PRR7: variants seen among roughly 807,000 people sequenced by gnomAD.
PRR7 encodes the protein proline-rich protein 7.
PRR7 carries 8 observed loss-of-function variants against 18.5 expected under a neutral mutation model. That is an observed-to-expected ratio of 0.43 (90% CI 0.25 to 0.78). PRR7 has a LOEUF of 0.78. Among genes scored for constraint, PRR7 ranks in the 30% least tolerant of loss-of-function variants. The pLI, the probability that PRR7 is intolerant of heterozygous loss-of-function variation, is 0.22. For missense variants in PRR7, 396 were observed against 403.1 expected, an observed-to-expected ratio of 0.98 and a Z score of 0.15; for synonymous variants, 221 against 187.7, an observed-to-expected ratio of 1.18 and a Z score of -1.45.
rs999695051 is a variant in PRR7, at chr5:177,449,325, T to C, written c.-325+2365T>C. On this transcript the variant is annotated intron_variant, in intron 1 of 3. Transcript: ENST00000323249. The surrounding 1 kb of genome is among the most constrained non-coding windows in gnomAD (Gnocchi z 4.2). ...GGGCTGCTTTCTGCATTTGAGCCTCTTGAGGCTGCAGGGTGATCCCTCATC... is the reference window on the plus strand; with the variant it reads ...GGGCTGCTTTCTGCATTTGAGCCTCCTGAGGCTGCAGGGTGATCCCTCATC... 2.0e-5 allele frequency among the ~76,000 whole-genome samples: 3 copies of C among 152,196 alleles called. No individual in the cohort carries two copies. The highest frequency in any genetic ancestry group is 2.0e-4 in the Admixed American group (3 of 15,288).
Position 177,449,590 on chromosome 5 carries a change from G to T in PRR7, c.-325+2630G>T, listed in dbSNP as rs746239083. On this transcript the variant is annotated intron_variant, in intron 1 of 3. Coordinates refer to ENST00000323249, the MANE Select transcript of PRR7 (RefSeq NM_030567.5). The surrounding 1 kb of genome is among the most constrained non-coding windows in gnomAD (Gnocchi z 4.2). The stretch of plus-strand genomic sequence containing the variant: ...AGATCATTATTTCCATGCCAGCTGC[G>T]GGGATGAAGGCACAGAGAGCCACAG... Among the ~76,000 whole-genome samples the T allele has an allele frequency of 1.3e-5, 2 of 152,178 alleles. No individual in the cohort carries two copies. Among genetic ancestry groups the T allele is most frequent in the Non-Finnish European group, 2.9e-5 (2 of 68,032 alleles).
At position 177,455,732 on chromosome 5, in the gene PRR7, G is replaced by C. The variant is rs1756398530; in HGVS notation, c.436G>C (p.Asp146His). The C allele has an allele frequency of 6.3e-7, 1 of 1,592,928 alleles. No homozygotes were observed. The highest frequency in any genetic ancestry group is 8.6e-7 in the Non-Finnish European group (1 of 1,167,834). Residue 146 changes from aspartate (D) to histidine (H), a missense_variant, in exon 4 of 4, where the codon GAC becomes CAC. Transcript: ENST00000323249. The surrounding 1 kb of genome is among the most constrained non-coding windows in gnomAD (Gnocchi z 6.9). Reference protein sequence around the residue: ...PWSYPRQAESDMSKPPCYEEA... With the variant: ...PWSYPRQAESHMSKPPCYEEA... ...CGCCTCCCACTCCGCAGCGGAATCG[G>C]ACATGTCCAAACCACCGTGTTACGA...
rs10713910 is a variant in PRR7, at chr5:177,449,518, A to AC, written c.-325+2559dup. On this transcript the variant is annotated intron_variant, in intron 1 of 3. Coordinates refer to ENST00000323249, the MANE Select transcript of PRR7 (RefSeq NM_030567.5). The surrounding 1 kb of genome is among the most constrained non-coding windows in gnomAD (Gnocchi z 4.2). ...CTGCATGTTACCCAGGCTGCCCCCC[A>AC]CAGGGTGTCACCATCACGCCCGTGG... Among the ~76,000 whole-genome samples the AC allele has an allele frequency of 0.51, 77,477 of 151,998 alleles. 20,179 individuals are homozygous for AC. The highest frequency in any genetic ancestry group is 0.56 in the Non-Finnish European group (37,924 of 67,938).
At position 177,454,903 on chromosome 5, in the gene PRR7, C is replaced by A; in HGVS notation, c.-165C>A. On this transcript the variant is annotated 5_prime_UTR_variant, in exon 3 of 4. Transcript: ENST00000323249. The surrounding 1 kb of genome is among the most constrained non-coding windows in gnomAD (Gnocchi z 4.7). ...GGGAAGGAGCGGGCGCCGCTGCTGT[C>A]CCCCGCCGGCGCGCGCACGACTTGA... 2 of 980,340 alleles carry A rather than the reference C, an allele frequency of 2.0e-6. No individual in the cohort carries two copies. The highest frequency in any genetic ancestry group is 5.1e-5 in the South Asian group (1 of 19,596). 60.7% of individuals were successfully genotyped at this position (980,340 alleles called of 1,614,324 possible).
In PRR7 at chr5:177,455,386, G is replaced by GCGCAGCCGCACGCGCACGCGCACC; in HGVS notation, c.321_344dup (p.Gln108_Pro115dup). 6.7e-7 allele frequency: 1 copy of GCGCAGCCGCACGCGCACGCGCACC among 1,494,550 alleles called. No homozygotes were observed. Among genetic ancestry groups the GCGCAGCCGCACGCGCACGCGCACC allele is most frequent in the African/African-American group, 1.5e-5 (1 of 68,520 alleles). The allele number at this position is 1,494,550 out of a possible 1,614,324, so 92.6% of individuals were successfully genotyped here. ...GCACCCGCTGCTGCACCACGGGCCC[G>GCGCAGCCGCACGCGCACGCGCACC]CGCAGCCGCACGCGCACGCGCACCC... On this transcript the variant is annotated inframe_insertion, in exon 3 of 4. Transcript: ENST00000323249. This position sits in a 1 kb window ranked among gnomAD's most constrained non-coding sequence, Gnocchi z 6.9.
At chr5:177,453,786 A>G (rs1278297115) in intron 1 of PRR7, among the ~76,000 whole-genome samples, 170 bp from the exon 2 acceptor site, 1 of 152,120 alleles carries the variant, frequency 6.6e-6, no homozygotes, top group East Asian at 1.9e-4. Flanking sequence ...TTGTTCCCCC[A>G]ACTCCTCGTC....
intron 1 of PRR7, among the ~76,000 whole-genome samples, chr5:177,451,900 C>A (rs1055166599): frequency 6.6e-5 from 10 of 152,010 alleles, no homozygotes; most frequent in Non-Finnish European, 1.5e-4. Flanking sequence ...AAACCACCAT[C>A]ATCAGAGCTA....
At position 177,455,505 on chromosome 5, in the gene PRR7, A is replaced by G; in HGVS notation, c.427+11A>G. The G allele has an allele frequency of 1.4e-6, 2 of 1,474,096 alleles. No homozygotes were observed. The highest frequency in any genetic ancestry group is 2.7e-5 in the South Asian group (2 of 75,240). 91.3% of individuals were successfully genotyped at this position (1,474,096 alleles called of 1,614,324 possible). A position where few individuals can be genotyped will look rare whatever the true frequency, so the allele number is the denominator to read the frequency against. Reference sequence around the variant, plus strand: ...GCTACCCGCGCCAAGGTGAGTACCGACCTCCGCCAGGGGGCGATCCGGGCC... The same window carrying G: ...GCTACCCGCGCCAAGGTGAGTACCGGCCTCCGCCAGGGGGCGATCCGGGCC... On this transcript the variant is annotated intron_variant, in intron 3 of 3. Coordinates refer to ENST00000323249, the MANE Select transcript of PRR7 (RefSeq NM_030567.5). The surrounding 1 kb of genome is among the most constrained non-coding windows in gnomAD (Gnocchi z 6.9).
upstream of PRR7, chr5:177,446,496 G>C (rs1248491012): frequency 6.6e-6 from 1 of 152,480 alleles, no homozygotes; most frequent in Non-Finnish European, 1.5e-5. The surrounding 1 kb of genome is among the most constrained non-coding windows in gnomAD (Gnocchi z 5.3). Context: ...GTGCGCGTCC[G>C]GGTTCTCGAC....
At position 177,455,591 on chromosome 5, in the gene PRR7, C is replaced by T; in HGVS notation, c.427+97C>T. 1 of 1,407,508 alleles carries T rather than the reference C, an allele frequency of 7.1e-7. No individual in the cohort carries two copies. The highest frequency in any genetic ancestry group is 9.2e-7 in the Non-Finnish European group (1 of 1,084,558). The allele number at this position is 1,407,508 out of a possible 1,614,324, so 87.2% of individuals were successfully genotyped here. A position where few individuals can be genotyped will look rare whatever the true frequency, so the allele number is the denominator to read the frequency against. ...TACCCTCAGGGCTTCCATCCGCAGC[C>T]TCCGGGAGAACACGGGCGGCGGCGG... On this transcript the variant is annotated intron_variant, in intron 3 of 3. Transcript: ENST00000323249. This position sits in a 1 kb window ranked among gnomAD's most constrained non-coding sequence, Gnocchi z 6.9.
rs1332234013 is a variant in PRR7, at chr5:177,455,808, C to G, written c.512C>G (p.Thr171Arg). ...EPPPPYSEVLTDTRGLYRKIV... is the reference protein window; with the variant it reads ...EPPPPYSEVLRDTRGLYRKIV... Reference sequence around the variant, plus strand: ...CCGCCGCCCTATAGCGAGGTGCTCACGGACACGCGCGGCCTCTACCGCAAG... The same window carrying G: ...CCGCCGCCCTATAGCGAGGTGCTCAGGGACACGCGCGGCCTCTACCGCAAG... Residue 171 changes from threonine (T) to arginine (R), a missense_variant, in exon 4 of 4, where the codon ACG becomes AGG. By Grantham distance (71) the Thr-to-Arg change is moderately conservative (BLOSUM62 -1). Coordinates refer to ENST00000323249, the MANE Select transcript of PRR7 (RefSeq NM_030567.5). This position sits in a 1 kb window ranked among gnomAD's most constrained non-coding sequence, Gnocchi z 6.9. 6.2e-7 allele frequency: 1 copy of G among 1,611,952 alleles called. No individual in the cohort carries two copies. The highest frequency in any genetic ancestry group is 1.1e-5 in the South Asian group (1 of 91,026).
At chr5:177,448,956 A>G (rs1756050252) in intron 1 of PRR7, among the ~76,000 whole-genome samples, 1 of 152,222 alleles carries the variant, frequency 6.6e-6, no homozygotes, top group Non-Finnish European at 1.5e-5. Context: ...GGAAACCCAC[A>G]TGCTTCCAAG....
At position 177,455,263 on chromosome 5, in the gene PRR7, G is replaced by A; in HGVS notation, c.196G>A (p.Ala66Thr). The A allele has an allele frequency of 1.3e-6, 2 of 1,533,070 alleles. No homozygotes were observed. The highest frequency in any genetic ancestry group is 1.4e-5 in the African/African-American group (1 of 70,500). The allele number at this position is 1,533,070 out of a possible 1,614,324, so 95.0% of individuals were successfully genotyped here. Residue 66 changes from alanine to threonine, a missense_variant, in exon 3 of 4, where the codon GCC (alanine) becomes ACC (threonine). This residue lies in a region of PRR7 where 383 missense variants were observed against 372.6 expected (regional missense o/e 1.03). Transcript: ENST00000323249. The surrounding 1 kb of genome is among the most constrained non-coding windows in gnomAD (Gnocchi z 6.9). ...GCCCCTCGAACTCGAGGGCAGTCTG[G>A]CCGGGAGCCCCCCGGGCCTGGCGCC... ...LEPLELEGSL[A>T]GSPPGLAPPQ... is the part of the protein sequence containing the mutation.
intron 1 of PRR7, among the ~76,000 whole-genome samples, chr5:177,451,293 C>A (rs1756158980): frequency 6.6e-6 from 1 of 152,228 alleles, no homozygotes; most frequent in African/African-American, 2.4e-5. Context: ...CAAGTGTTCT[C>A]ATCTGCCAAC....
chr5:177,452,866 C>G (rs773823485), intron 1 of PRR7, among the ~76,000 whole-genome samples: 1 of 152,238 alleles, frequency 6.6e-6, no homozygotes, highest in African/African-American at 2.4e-5. Flanking sequence ...CATCCTGTAG[C>G]TCTTTCTCAC....
Position 177,455,404 on chromosome 5 carries a change from G to GCGCACC in PRR7, c.339_344dup (p.Pro117_His118dup). On this transcript the variant is annotated inframe_insertion, in exon 3 of 4. Transcript: ENST00000323249. This position sits in a 1 kb window ranked among gnomAD's most constrained non-coding sequence, Gnocchi z 6.9. The stretch of plus-strand genomic sequence containing the variant: ...CGGGCCCGCGCAGCCGCACGCGCAC[G>GCGCACC]CGCACCCACACCCGCACCACCACGC... The GCGCACC allele has an allele frequency of 6.7e-7, 1 of 1,496,160 alleles. No individual in the cohort carries two copies. The highest frequency in any genetic ancestry group is 1.5e-5 in the African/African-American group (1 of 68,614). The allele number at this position is 1,496,160 out of a possible 1,614,324, so 92.7% of individuals were successfully genotyped here.
chr5:177,454,376 G>A lies in PRR7; in HGVS notation c.-240+336G>A, dbSNP rs932486001. 3.9e-5 allele frequency among the ~76,000 whole-genome samples: 6 copies of A among 152,198 alleles called. No individual in the cohort carries two copies. The highest frequency in any genetic ancestry group is 8.8e-5 in the Non-Finnish European group (6 of 68,022). ...TCCGGGCTTTGGGCAGCCAGGGGCT[G>A]CCAGGCGTCTGTACAGGGCGTCGGG... is the stretch of plus-strand genomic sequence containing the variant. On this transcript the variant is annotated intron_variant, in intron 2 of 3. Coordinates refer to ENST00000323249, the MANE Select transcript of PRR7 (RefSeq NM_030567.5). The surrounding 1 kb of genome is among the most constrained non-coding windows in gnomAD (Gnocchi z 4.7).
Position 177,449,113 on chromosome 5 carries a change from T to C in PRR7, c.-325+2153T>C, listed in dbSNP as rs1756059459. On this transcript the variant is annotated intron_variant, in intron 1 of 3. Coordinates refer to ENST00000323249, the MANE Select transcript of PRR7 (RefSeq NM_030567.5). The surrounding 1 kb of genome is among the most constrained non-coding windows in gnomAD (Gnocchi z 4.2). ...ATCCAGACCTTTATATAAAATCTCC[T>C]GGATTTTTAAATGTTGGCAATTAAT... Among the ~76,000 whole-genome samples the C allele has an allele frequency of 6.6e-6, 1 of 152,270 alleles. No individual in the cohort carries two copies. The highest frequency in any genetic ancestry group is 1.5e-5 in the Non-Finnish European group (1 of 68,050).
chr5:177,446,195 T>G (rs1367771160), upstream of PRR7: 3 of 151,870 alleles, frequency 2.0e-5, no homozygotes, highest in Non-Finnish European at 4.4e-5. The surrounding 1 kb of genome is among the most constrained non-coding windows in gnomAD (Gnocchi z 5.3). Flanking sequence ...GACCTCGGGG[T>G]AGACAGTGGG....
Sources: allele counts gnomAD v4.1 joint callset (sites outside exome capture counted in the v4.1 genomes callset), GRCh38; gene constraint gnomAD v4.1.1; regional missense constraint gnomAD v4.1.1; non-coding constraint Gnocchi (gnomAD v3.1); transcripts MANE v1.5; gene names NCBI Gene and HGNC (gene_info 2026-07-23, HGNC 2026-07-21).